DENND1A: variants seen among roughly 807,000 people sequenced by gnomAD.
DENND1A encodes DENN domain-containing protein 1A.
DENND1A carries 51 observed loss-of-function variants against 113.7 expected under a neutral mutation model. The ratio of observed to expected loss-of-function variants is 0.45; its 90% CI spans 0.36 to 0.57. The LOEUF is 0.57. DENND1A is among the 20% of genes least tolerant of loss of function. The probability of loss-of-function intolerance (pLI) is 0.00; values close to 1 mark genes in which losing one functional copy is unlikely to be tolerated. For synonymous variants in DENND1A, 565 were observed against 570.8 expected, an observed-to-expected ratio of 0.99 and a Z score of 0.14; for missense variants, 1,258 against 1,395.9, an observed-to-expected ratio of 0.90 and a Z score of 1.57.
intron 10 of DENND1A, among the ~76,000 whole-genome samples, chr9:123,626,296 T>C (rs1410694068): frequency 1.3e-5 from 2 of 151,822 alleles, no homozygotes; most frequent in Non-Finnish European, 2.9e-5. Flanking sequence ...AAAGGACCTA[T>C]GTCTATGAAG....
In DENND1A at chr9:123,457,857, T is replaced by C; in HGVS notation, c.1034A>G (p.His345Arg). Residue 345 changes from histidine to arginine, a missense_variant, in exon 14 of 24, where the codon CAC becomes CGC. By Grantham distance (29) the His-to-Arg change is conservative (BLOSUM62 0). Coordinates refer to ENST00000394215, the MANE Select transcript of DENND1A (RefSeq NM_001352964.2). ...CTGCCTCATGGCTCCGGAGCGGTAGTGGGACACGAAGGCTTCCTCACAGAA... is the reference window on the plus strand; with the variant it reads ...CTGCCTCATGGCTCCGGAGCGGTAGCGGGACACGAAGGCTTCCTCACAGAA... ...ITFCEEAFVS[H>R]YRSGAMRQFL... 6.2e-7 allele frequency: 1 copy of C among 1,612,700 alleles called. No individual in the cohort carries two copies. Among genetic ancestry groups the C allele is most frequent in the East Asian group, 2.2e-5 (1 of 44,862 alleles).
At chr9:123,445,312 G>C (rs2047221230) in intron 18 of DENND1A, among the ~76,000 whole-genome samples, 1 of 152,244 alleles carries the variant, frequency 6.6e-6, no homozygotes. Flanking sequence ...CCCAGGCCCA[G>C]GGAGGCAGAC....
At chr9:123,857,948 A>G (rs1466489641) in intron 2 of DENND1A, among the ~76,000 whole-genome samples, 3 of 151,880 alleles carry the variant, frequency 2.0e-5, no homozygotes, top group South Asian at 4.1e-4. Context: ...AGTCCCAGCT[A>G]CTCAGGAAGC....
intron 21 of DENND1A, among the ~76,000 whole-genome samples, chr9:123,398,825 C>T (rs1272535515): frequency 6.7e-6 from 1 of 149,506 alleles, no homozygotes; most frequent in Non-Finnish European, 1.5e-5. Context: ...GACAGAGTCT[C>T]GTTCTGTTAC....
At chr9:123,655,472 C>A (rs1036456721) in intron 8 of DENND1A, among the ~76,000 whole-genome samples, 18 of 152,214 alleles carry the variant, frequency 1.2e-4, no homozygotes, top group Middle Eastern at 3.4e-3. Flanking sequence ...CAATTGATTA[C>A]TCAGTAATGG....
chr9:123,622,600 G>C (rs768964546), intron 10 of DENND1A, among the ~76,000 whole-genome samples: 3 of 152,076 alleles, frequency 2.0e-5, no homozygotes, highest in Non-Finnish European at 4.4e-5. Context: ...ACACTTCAGA[G>C]GATATTAGTA....
At chr9:123,871,672 C>T (rs1386055221) in intron 2 of DENND1A, among the ~76,000 whole-genome samples, 2 of 152,080 alleles carry the variant, frequency 1.3e-5, no homozygotes, top group African/African-American at 4.8e-5. Context: ...AACTCAGCAA[C>T]CAAAGCACCA....
chr9:123,896,302 ACT>A (rs1426583487), intron 1 of DENND1A, among the ~76,000 whole-genome samples: 3 of 151,486 alleles, frequency 2.0e-5, no homozygotes, highest in Non-Finnish European at 4.4e-5. Flanking sequence ...ACAGAGTGAG[ACT>A]CTCTGAAAAC....
chr9:123,582,601 A>G lies in DENND1A; in HGVS notation c.867+568T>C, dbSNP rs186802692. 2.5e-3 allele frequency among the ~76,000 whole-genome samples: 387 copies of G among 152,080 alleles called. 4 individuals carry two copies. Among genetic ancestry groups the G allele is most frequent in the East Asian group, 0.012 (60 of 5,168 alleles). ...TTTTTAGTAGAGACTGTGTTTCACC[A>G]TGTTAGCCAGGATGGTCTCACTTTC... On this transcript the variant is annotated intron_variant, in intron 12 of 23. Transcript: ENST00000394215.
At chr9:123,859,771 T>C (rs1364933308) in intron 2 of DENND1A, among the ~76,000 whole-genome samples, 2 of 152,166 alleles carry the variant, frequency 1.3e-5, no homozygotes, top group African/African-American at 4.8e-5. Flanking sequence ...GGAAGCCAAA[T>C]ATAATATGGA....
At chr9:123,828,852 G>A (rs1367836656) in intron 2 of DENND1A, among the ~76,000 whole-genome samples, 2 of 152,150 alleles carry the variant, frequency 1.3e-5, no homozygotes, top group African/African-American at 4.8e-5. Context: ...CTGTCATACA[G>A]TTTCTAAAAC....
In DENND1A at chr9:123,432,975, C is replaced by A. The variant is rs568729436; in HGVS notation, c.1488+7385G>T. ...CATGCATAGGGCCGCCCCTGAGGGA[C>A]TGCGCGCTCTGAGAGCCTCGGTGAA... On this transcript the variant is annotated intron_variant, in intron 19 of 23. Coordinates refer to ENST00000394215, the MANE Select transcript of DENND1A (RefSeq NM_001352964.2). Among the ~76,000 whole-genome samples the A allele has an allele frequency of 1.5e-3, 224 of 152,312 alleles. 2 individuals carry two copies. The highest frequency in any genetic ancestry group is 1.4e-3 in the East Asian group (7 of 5,178).
At chr9:123,443,959 G>GAA (rs1438249514) in intron 18 of DENND1A, among the ~76,000 whole-genome samples, 1 of 149,002 alleles carries the variant, frequency 6.7e-6, no homozygotes. Context: ...CCTGTCTCAA[G>GAA]AAAAAAATAA....
chr9:123,644,085 G>A (rs574502493), intron 9 of DENND1A, among the ~76,000 whole-genome samples: 1 of 152,160 alleles, frequency 6.6e-6, no homozygotes, highest in Admixed American at 6.5e-5. Context: ...TCTTAGACAA[G>A]GCACATCAAC....
chr9:123,817,200 C>T (rs1837636474), intron 2 of DENND1A, among the ~76,000 whole-genome samples: 1 of 151,986 alleles, frequency 6.6e-6, no homozygotes, highest in Admixed American at 6.6e-5. Context: ...AGATTTGTAC[C>T]CAGTCTTTGT....
chr9:123,467,656 G>A lies in DENND1A; in HGVS notation c.994-9759C>T, dbSNP rs540277641. Among the ~76,000 whole-genome samples the A allele has an allele frequency of 1.1e-3, 164 of 152,090 alleles. 1 individual carries two copies. The highest frequency in any genetic ancestry group is 2.0e-3 in the Non-Finnish European group (138 of 67,990). On this transcript the variant is annotated intron_variant, in intron 13 of 23. Coordinates refer to ENST00000394215, the MANE Select transcript of DENND1A (RefSeq NM_001352964.2). ...GGCAACAAGAGAGAAACTCCGTCTT[G>A]AAACAAAACAAACAAAACATCCCCA... is the stretch of plus-strand genomic sequence containing the variant.
At chr9:123,472,402 G>A (rs1003669283) in intron 13 of DENND1A, among the ~76,000 whole-genome samples, 73 of 152,178 alleles carry the variant, frequency 4.8e-4, no homozygotes, top group African/African-American at 1.6e-3. Flanking sequence ...TGGCGGGCAC[G>A]TCATGGACAG....
intron 22 of DENND1A, among the ~76,000 whole-genome samples, chr9:123,384,119 C>A (rs1203658374): frequency 6.6e-6 from 1 of 152,202 alleles, no homozygotes; most frequent in African/African-American, 2.4e-5. Context: ...GGGCTGTGAA[C>A]CAGGGCAACT....
intron 2 of DENND1A, among the ~76,000 whole-genome samples, chr9:123,796,756 T>TACACAC (rs370185315): frequency 0.036 from 5,039 of 141,542 alleles, 160 homozygotes; most frequent in African/African-American, 0.085. Context: ...TATGTGTACA[T>TACACAC]ACACACACAC....
Sources: gnomAD v4.1 joint callset for allele counts (sites outside exome capture counted in the v4.1 genomes callset) on GRCh38, gnomAD v4.1.1 for gene constraint, MANE v1.5 for transcripts, NCBI Gene and HGNC (gene_info 2026-07-23, HGNC 2026-07-21) for gene names.